The following RFX1 variants were observed in gnomAD, a reference collection of about 807,000 sequenced individuals.
RFX1 encodes the protein regulatory factor X1, also known as MHC class II regulatory factor RFX1.
Under a neutral mutation model 119.6 loss-of-function variants are expected in RFX1, and 42 were observed. That is an observed-to-expected ratio of 0.35 (90% CI 0.27 to 0.45). The LOEUF is 0.45. Among genes scored for constraint, RFX1 ranks in the 20% least tolerant of loss-of-function variants. The pLI, the probability that RFX1 is intolerant of heterozygous loss-of-function variation, is 1.00. For missense variants in RFX1, 1,118 were observed against 1,368.1 expected (o/e 0.82, Z 2.88); for synonymous variants, 628 against 618.5 (o/e 1.02, Z -0.23).
intron 9 of RFX1, among the ~76,000 whole-genome samples, chr19:13,970,661 CAAAAAAAAAAAAAAAAAAAAAA>C (rs1167910642): frequency 3.9e-5 from 1 of 25,822 alleles, no homozygotes; most frequent in Non-Finnish European, 7.6e-5. Context: ...GACCTTGTCT[CAAAAAAAAAAAAAAAAAAAAAA>C]AAAAAAAAAA....
intron 7 of RFX1, among the ~76,000 whole-genome samples, chr19:13,979,085 G>T (rs1974348070): frequency 6.6e-6 from 1 of 152,080 alleles, no homozygotes; most frequent in South Asian, 2.1e-4. Flanking sequence ...GAGCTCTGGA[G>T]GACAAACAGA....
intron 7 of RFX1, 42 bp downstream of exon 7, chr19:13,979,388 CCCAGCCCCAGCCCGGGA>C: frequency 7.0e-6 from 9 of 1,287,476 alleles, no homozygotes; most frequent in Non-Finnish European, 9.6e-6. Flanking sequence ...GCCTGCACTC[CCCAGCCCCAGCCCGGGA>C]CCAGCCCCTT....
intron 1 of RFX1, among the ~76,000 whole-genome samples, chr19:13,999,222 C>G (rs1162212600): frequency 1.3e-5 from 2 of 152,164 alleles, no homozygotes; most frequent in East Asian, 3.8e-4. Context: ...CTTTATGGAG[C>G]CTGGCACACA....
At chr19:13,975,844 C>T (rs993796377) in intron 8 of RFX1, among the ~76,000 whole-genome samples, 8 of 152,214 alleles carry the variant, frequency 5.3e-5, no homozygotes, top group Non-Finnish European at 1.0e-4. Flanking sequence ...GGGTCGGGAA[C>T]TCGCAGTAAT....
At position 13,983,487 on chromosome 19, in the gene RFX1, T is replaced by G; in HGVS notation, c.428A>C (p.Gln143Pro). Residue 143 changes from glutamine (Q) to proline (P), a missense_variant and splice_region_variant, in exon 3 of 21, where the codon CAG becomes CCG. Physicochemically the swap from Gln to Pro is moderately conservative, Grantham distance 76 (BLOSUM62 -1). Transcript: ENST00000254325. ...CCCCCTGGGAGGGCCACATCCTACC[T>G]GCTGGGTGCCCTGCACCTGCTGAAC... ...QVVQQVQGTQ[Q>P]RLLVQTSVQA... The G allele has an allele frequency of 6.2e-7, 1 of 1,603,476 alleles. No individual in the cohort carries two copies.
In RFX1 at chr19:13,979,539, A is replaced by C; in HGVS notation, c.742T>G (p.Ser248Ala). Residue 248 changes from serine (S) to alanine (A), a missense_variant, in exon 7 of 21, where the codon TCT becomes GCT. This residue lies in a region of RFX1 where 542 missense variants were observed against 602.7 expected (regional missense o/e 0.90). Coordinates refer to ENST00000254325, the MANE Select transcript of RFX1 (RefSeq NM_002918.5). ...GCTTGTGGAGTGGCCTGGACCACAG[A>C]TCTCTGGGAGGGGAAAGGCAACAAT... Reference protein sequence around the residue: ...QQSVPVTQERSVVQATPQAPK... With the variant: ...QQSVPVTQERAVVQATPQAPK... 1 of 1,583,618 alleles carries C rather than the reference A, an allele frequency of 6.3e-7. No individual in the cohort carries two copies. Among genetic ancestry groups the C allele is most frequent in the Non-Finnish European group, 8.6e-7 (1 of 1,162,860 alleles).
intron 3 of RFX1, 38 bp downstream of exon 3, chr19:13,983,448 C>CGG (rs761530038): frequency 2.6e-6 from 4 of 1,509,522 alleles, no homozygotes; most frequent in Admixed American, 1.9e-5. Flanking sequence ...GCCCCCCTCC[C>CGG]GGGCCCTCCC....
At chr19:14,005,268 T>G (rs1975335388) in intron 1 of RFX1, among the ~76,000 whole-genome samples, 1 of 152,186 alleles carries the variant, frequency 6.6e-6, no homozygotes, top group South Asian at 2.1e-4. Flanking sequence ...CCATGGACTT[T>G]GATTTCTGCA....
intron 1 of RFX1, among the ~76,000 whole-genome samples, chr19:14,003,082 A>C (rs1975268102): frequency 6.6e-6 from 1 of 152,186 alleles, no homozygotes; most frequent in Admixed American, 6.5e-5. Flanking sequence ...TCCACGGTTC[A>C]AGGGATTCTC....
At chr19:13,996,072 C>T (rs189061342) in intron 1 of RFX1, among the ~76,000 whole-genome samples, 193 of 152,150 alleles carry the variant, frequency 1.3e-3, no homozygotes, top group African/African-American at 4.5e-3. Flanking sequence ...CAGGGCAGGC[C>T]TGGCTGTTAA....
chr19:13,994,110 G>A (rs1446953896), intron 1 of RFX1, among the ~76,000 whole-genome samples: 1 of 151,904 alleles, frequency 6.6e-6, no homozygotes, highest in African/African-American at 2.4e-5. Flanking sequence ...CAGGGCTGGA[G>A]CCCCACTCCG....
chr19:13,966,678 G>A lies in RFX1; in HGVS notation c.1806C>T (p.Pro602=), dbSNP rs201531787. The A allele has an allele frequency of 2.2e-5, 35 of 1,611,304 alleles. No individual in the cohort carries two copies. The highest frequency in any genetic ancestry group is 6.7e-5 in the East Asian group (3 of 44,786). Residue 602 remains proline, a synonymous_variant, in exon 13 of 21, where the codon CCC becomes CCT. Transcript: ENST00000254325. The surrounding 1 kb of genome is among the most constrained non-coding windows in gnomAD (Gnocchi z 6.3). ...QGKVLPEGVG[P]GDIKAFQVLY... Reference sequence around the variant, plus strand: ...GGACCTGGAAGGCTTTGATGTCCCCGGGCCCGACGCCCTCAGGCAGCACCT... The same window carrying A: ...GGACCTGGAAGGCTTTGATGTCCCCAGGCCCGACGCCCTCAGGCAGCACCT...
intron 1 of RFX1, among the ~76,000 whole-genome samples, chr19:13,994,719 ATGTGTGTGTGTG>A (rs35165719): frequency 1.3e-4 from 16 of 125,998 alleles, no homozygotes; most frequent in East Asian, 1.2e-3. Context: ...CTAAATATAT[ATGTGTGTGTGTG>A]TGTGTGTGTG....
chr19:13,962,993 C>A lies in RFX1; in HGVS notation c.2770+1G>T. The A allele has an allele frequency of 1.3e-6, 2 of 1,551,018 alleles. No individual in the cohort carries two copies. ...CCTGGGTGGGAACACGCCTCGCCTACCTTTGTCGGGGTCCAGGGGGTTCAG... is the reference window on the plus strand; with the variant it reads ...CCTGGGTGGGAACACGCCTCGCCTAACTTTGTCGGGGTCCAGGGGGTTCAG... On this transcript the variant is annotated splice_donor_variant, in intron 20 of 20. Coordinates refer to ENST00000254325, the MANE Select transcript of RFX1 (RefSeq NM_002918.5). LOFTEE classifies it high-confidence loss of function.
chr19:13,973,194 G>A, intron 8 of RFX1, 67 bp from the exon 9 acceptor site: 2 of 1,120,526 alleles, frequency 1.8e-6, no homozygotes, highest in South Asian at 1.3e-5. Flanking sequence ...GGGCATGACT[G>A]TGCAGGAAGG....
At chr19:13,981,805 C>G (rs1431915649) in intron 5 of RFX1, among the ~76,000 whole-genome samples, 1 of 152,208 alleles carries the variant, frequency 6.6e-6, no homozygotes, top group East Asian at 1.9e-4. Context: ...GAAGAGGAAC[C>G]CACTTTGTTT....
intron 5 of RFX1, among the ~76,000 whole-genome samples, chr19:13,981,853 C>T (rs144329980): frequency 0.035 from 5,310 of 152,292 alleles, 121 homozygotes; most frequent in Non-Finnish European, 0.05. Context: ...CTGCCAGGAC[C>T]ATCTCAACCC....
At chr19:14,005,901 C>G (rs981584133) in intron 1 of RFX1, among the ~76,000 whole-genome samples, 1 of 151,754 alleles carries the variant, frequency 6.6e-6, no homozygotes, top group East Asian at 2.0e-4. Context: ...GCCCGCCCCT[C>G]GCGGGGGCCG....
At position 13,964,474 on chromosome 19, in the gene RFX1, G is replaced by A. The variant is rs1419978590; in HGVS notation, c.2212-467C>T. Among the ~76,000 whole-genome samples the A allele has an allele frequency of 2.0e-5, 3 of 151,462 alleles. 1 individual carries two copies. The highest frequency in any genetic ancestry group is 3.9e-4 in the East Asian group (2 of 5,156). Reference sequence around the variant, plus strand: ...GGGCAAACACTGCTTTGATAAACACGTTTCATTTTCTTTTTCTGTTTTTTG... The same window carrying A: ...GGGCAAACACTGCTTTGATAAACACATTTCATTTTCTTTTTCTGTTTTTTG... On this transcript the variant is annotated intron_variant, in intron 16 of 20. Transcript: ENST00000254325.
Sources: allele counts gnomAD v4.1 joint callset (sites outside exome capture counted in the v4.1 genomes callset), GRCh38; gene constraint gnomAD v4.1.1; regional missense constraint gnomAD v4.1.1; non-coding constraint Gnocchi (gnomAD v3.1); transcripts MANE v1.5; gene names NCBI Gene and HGNC (gene_info 2026-07-23, HGNC 2026-07-21).